MED15: variants seen among roughly 807,000 people sequenced by gnomAD.
The protein encoded by MED15 is mediator complex subunit 15.
Under a neutral mutation model 118.7 loss-of-function variants are expected in MED15, and 41 were observed. That is an observed-to-expected ratio of 0.35 (90% confidence interval 0.27 to 0.45). MED15 has a LOEUF of 0.45. Among genes scored for constraint, MED15 ranks in the 20% least tolerant of loss-of-function variants. The pLI is 1.00. For synonymous variants in MED15, 436 were observed against 413.9 expected, an observed-to-expected ratio of 1.05 and a Z score of -0.65; for missense variants, 740 against 1,025.5, an observed-to-expected ratio of 0.72 and a Z score of 3.80.
chr22:20,512,931 G>A (rs573451597), intron 1 of MED15, among the ~76,000 whole-genome samples: 1 of 151,730 alleles, frequency 6.6e-6, no homozygotes, highest in Non-Finnish European at 1.5e-5. Context: ...TAGTAGAGAC[G>A]GGGTTTCACC....
chr22:20,584,599 G>A, intron 14 of MED15, 174 bp downstream of exon 14: 1 of 870,048 alleles, frequency 1.1e-6, no homozygotes, highest in Non-Finnish European at 1.8e-6. Context: ...GAACATGGGA[G>A]AAGTCACCCT....
chr22:20,535,898 G>A (rs1192053590), intron 1 of MED15, among the ~76,000 whole-genome samples: 1 of 123,358 alleles, frequency 8.1e-6, no homozygotes, highest in Admixed American at 8.5e-5. Flanking sequence ...TTTTTTTTGA[G>A]ATGGAGTTTC....
intron 13 of MED15, chr22:20,584,092 A>C (rs150956076): frequency 1.3e-5 from 7 of 523,174 alleles, no homozygotes; most frequent in Non-Finnish European, 2.1e-5. Flanking sequence ...ACTGGCCTAC[A>C]TGACAATGAG....
intron 1 of MED15, among the ~76,000 whole-genome samples, chr22:20,525,927 CTT>C (rs113769626): frequency 3.5e-5 from 5 of 144,816 alleles, no homozygotes; most frequent in Admixed American, 6.9e-5. Context: ...TTTTAATTTT[CTT>C]TTTTTTTTTG....
At chr22:20,528,849 A>G (rs568330791) in intron 1 of MED15, among the ~76,000 whole-genome samples, 2 of 152,264 alleles carry the variant, frequency 1.3e-5, no homozygotes, top group East Asian at 3.9e-4. Flanking sequence ...TCCAGTGACT[A>G]TCCGTTTCAT....
intron 1 of MED15, among the ~76,000 whole-genome samples, chr22:20,519,725 G>C (rs967129179): frequency 6.6e-6 from 1 of 152,196 alleles, no homozygotes; most frequent in Non-Finnish European, 1.5e-5. Flanking sequence ...ACAGTGCTGG[G>C]ATTACAGGCG....
chr22:20,587,025 GAGGGT>G lies in MED15; in HGVS notation c.*322_*326del. The stretch of plus-strand genomic sequence containing the variant: ...CGGTCCAGGTCCATCTCAGCAGCGT[GAGGGT>G]GCACTCAGGGTGTTGTTAGAGCGTC... On this transcript the variant is annotated 3_prime_UTR_variant, in exon 18 of 18. Coordinates refer to ENST00000263205, the MANE Select transcript of MED15 (RefSeq NM_001003891.3). 1 of 422,312 alleles carries G rather than the reference GAGGGT, an allele frequency of 2.4e-6. No homozygotes were observed. Among genetic ancestry groups the G allele is most frequent in the Non-Finnish European group, 4.4e-6 (1 of 228,672 alleles). 26.2% of individuals were successfully genotyped at this position (422,312 alleles called of 1,614,324 possible). A position where few individuals can be genotyped will look rare whatever the true frequency, so the allele number is the denominator to read the frequency against.
chr22:20,563,834 CAG>C (rs895015981), intron 5 of MED15, among the ~76,000 whole-genome samples: 1 of 151,618 alleles, frequency 6.6e-6, no homozygotes, highest in Admixed American at 6.6e-5. Context: ...GTGTAATCCA[CAG>C]AGTTGTGCAG....
At chr22:20,519,911 TTTTA>T (rs2054387916) in intron 1 of MED15, among the ~76,000 whole-genome samples, 1 of 152,232 alleles carries the variant, frequency 6.6e-6, no homozygotes, top group African/African-American at 2.4e-5. Context: ...CTTCGTTTCC[TTTTA>T]TTTGTTTCTG....
chr22:20,579,106 G>A (rs1230611495), intron 9 of MED15, among the ~76,000 whole-genome samples: 1 of 152,218 alleles, frequency 6.6e-6, no homozygotes, highest in Non-Finnish European at 1.5e-5. Flanking sequence ...TTTCTCACTA[G>A]GGGCTTGTCC....
At position 20,585,781 on chromosome 22, in the gene MED15, T is replaced by A; in HGVS notation, c.2185T>A (p.Tyr729Asn). 6.2e-7 allele frequency: 1 copy of A among 1,613,460 alleles called. No individual in the cohort carries two copies. The highest frequency in any genetic ancestry group is 8.5e-7 in the Non-Finnish European group (1 of 1,180,000). ...PPLELSVPAD[Y>N]PAQSPLWIDR... ...ACTGGAGCTCAGTGTGCCCGCTGAC[T>A]ATCCTGCCCAAAGCCCGCTGTGGAT... Residue 729 changes from tyrosine (Y) to asparagine (N), a missense_variant, in exon 17 of 18, where the codon TAT becomes AAT. Transcript: ENST00000263205.
At chr22:20,548,257 G>T (rs2055632107) in intron 2 of MED15, among the ~76,000 whole-genome samples, 1 of 152,128 alleles carries the variant, frequency 6.6e-6, no homozygotes, top group Non-Finnish European at 1.5e-5. Context: ...TGCCTCCTGG[G>T]TTCAAGCAAT....
intron 9 of MED15, among the ~76,000 whole-genome samples, chr22:20,576,061 T>G (rs936489622): frequency 6.6e-6 from 1 of 152,244 alleles, no homozygotes; most frequent in Admixed American, 6.5e-5. Flanking sequence ...GCTTCTTTTA[T>G]TGTATGAAAT....
intron 1 of MED15, among the ~76,000 whole-genome samples, chr22:20,518,336 C>T (rs2054326457): frequency 1.3e-5 from 2 of 152,204 alleles, no homozygotes; most frequent in Admixed American, 1.3e-4. Context: ...GCTTGAGGCC[C>T]TTTCCCTTTC....
At chr22:20,544,978 G>T (rs947012109) in intron 2 of MED15, among the ~76,000 whole-genome samples, 1 of 152,136 alleles carries the variant, frequency 6.6e-6, no homozygotes, top group Non-Finnish European at 1.5e-5. Context: ...GGGTCCACCC[G>T]CATAACCCAG....
intron 7 of MED15, among the ~76,000 whole-genome samples, chr22:20,567,070 A>G (rs1169348340): frequency 6.6e-6 from 1 of 152,180 alleles, no homozygotes; most frequent in Non-Finnish European, 1.5e-5. Flanking sequence ...ACCAAGTCGC[A>G]TTCCAAGCAG....
intron 8 of MED15, among the ~76,000 whole-genome samples, chr22:20,572,121 C>A (rs1248918067): frequency 1.3e-5 from 2 of 152,196 alleles, no homozygotes; most frequent in African/African-American, 4.8e-5. Flanking sequence ...TGACACATAT[C>A]TTGATGTCTT....
At chr22:20,546,582 G>A (rs914914327) in intron 2 of MED15, among the ~76,000 whole-genome samples, 8 of 137,568 alleles carry the variant, frequency 5.8e-5, no homozygotes, top group South Asian at 2.3e-4. Context: ...AACCCTGTGT[G>A]TTCAGGACCT....
At chr22:20,568,779 A>G (rs1035714901) in intron 8 of MED15, 148 bp downstream of exon 8, 2 of 1,361,216 alleles carry the variant, frequency 1.5e-6, no homozygotes, top group Admixed American at 2.3e-5. Context: ...GCACTCTGCA[A>G]GACACCCCTG....
Sources: gnomAD v4.1 joint callset for allele counts (sites outside exome capture counted in the v4.1 genomes callset) on GRCh38, gnomAD v4.1.1 for gene constraint, MANE v1.5 for transcripts, NCBI Gene and HGNC (gene_info 2026-07-23, HGNC 2026-07-21) for gene names.